ANXA2R: variants seen among roughly 807,000 people sequenced by gnomAD.
The protein encoded by ANXA2R is annexin-2 receptor.
For missense variants in ANXA2R, 244 were observed against 241.5 expected (o/e 1.01, Z -0.07); for synonymous variants, 93 against 93.6 (o/e 0.99, Z 0.04).
rs1742169000 is a variant in ANXA2R at position 43,040,235 on chromosome 5, G to C, written c.-189C>G. ...ACGATAACATTTTAGAGAGTACATA[G>C]AACCAAAACGAACCGTAATTCCGAC... On this transcript the variant is annotated 5_prime_UTR_variant, in exon 1 of 1. Coordinates refer to ENST00000616064, the MANE Select transcript of ANXA2R (RefSeq NM_001014279.3). The C allele has an allele frequency of 1.9e-6, 1 of 520,526 alleles. No homozygotes were observed. The highest frequency in any genetic ancestry group is 3.1e-5 in the East Asian group (1 of 32,258). The allele number at this position is 520,526 out of a possible 1,614,324, so 32.2% of individuals were successfully genotyped here.
chr5:43,042,889 C>A (rs1384148965), upstream of ANXA2R: 1 of 152,394 alleles, frequency 6.6e-6, no homozygotes, highest in African/African-American at 2.4e-5. The surrounding 1 kb of genome is among the most constrained non-coding windows in gnomAD (Gnocchi z 5.6). Flanking sequence ...AAACCGCCAG[C>A]TGGGCTAGAC....
Position 43,039,493 on chromosome 5 carries a change from G to T in ANXA2R, c.554C>A (p.Ser185Ter). Residue 185 changes from serine (S) to a stop codon, truncating the protein, a stop_gained, in exon 2 of 2, where the codon TCA becomes TAA. Transcript: ENST00000314890. LOFTEE classifies it low-confidence loss of function (END_TRUNC). ...AGGCTGCTTAGCTCCACAGATCCGT[G>T]AACAGCACGCCCAGAGTACAGAGAA... 1.3e-6 allele frequency: 2 copies of T among 1,590,432 alleles called. No homozygotes were observed. The highest frequency in any genetic ancestry group is 1.7e-6 in the Non-Finnish European group (2 of 1,168,088).
rs1742168740 is a variant in ANXA2R at position 43,040,222 on chromosome 5, TAG to T, written c.-178_-177del. On this transcript the variant is annotated 5_prime_UTR_variant, in exon 1 of 1. The change creates a premature stop within an existing upstream ORF in the 5' untranslated region. Transcript: ENST00000616064. ...AGACAAATGAAAAACGATAACATTT[TAG>T]AGAGTACATAGAACCAAAACGAACC... is the stretch of plus-strand genomic sequence containing the variant. The T allele has an allele frequency of 1.7e-6, 1 of 604,352 alleles. No individual in the cohort carries two copies. Among genetic ancestry groups the T allele is most frequent in the South Asian group, 2.4e-5 (1 of 41,048 alleles). 37.4% of individuals were successfully genotyped at this position (604,352 alleles called of 1,614,324 possible).
Position 43,039,937 on chromosome 5 carries a change from G to C in ANXA2R, c.110C>G (p.Pro37Arg). The change falls in exon 1 of 1, where the codon CCT (proline) becomes CGT (arginine). Residue 37 changes from proline (P) to arginine (R), a missense_variant. Coordinates refer to ENST00000616064, the MANE Select transcript of ANXA2R (RefSeq NM_001014279.3). Reference protein sequence around the residue: ...IVSSEDRGPWPLPLYPVLGEY... With the variant: ...IVSSEDRGPWRLPLYPVLGEY... ...TCCTAGTACTGGATACAAAGGAAGA[G>C]GCCACGGCCCACGATCTTCTGAACT... 2 of 1,614,198 alleles carry C rather than the reference G, an allele frequency of 1.2e-6. No individual in the cohort carries two copies. Among genetic ancestry groups the C allele is most frequent in the East Asian group, 2.2e-5 (1 of 44,890 alleles).
upstream of ANXA2R, chr5:43,042,529 C>T (rs1742218220): frequency 6.5e-6 from 1 of 152,736 alleles, no homozygotes; most frequent in South Asian, 2.1e-4. The surrounding 1 kb of genome is among the most constrained non-coding windows in gnomAD (Gnocchi z 5.6). Flanking sequence ...CCGCCGGCTT[C>T]GCGCCGCTGG....
upstream of ANXA2R, chr5:43,040,694 G>C (rs1357849524): frequency 6.6e-6 from 1 of 152,276 alleles, no homozygotes; most frequent in Admixed American, 6.5e-5. Flanking sequence ...CAATGTGTTT[G>C]ATAGGTTTAA....
rs1742143976 is a variant in ANXA2R, at chr5:43,039,383, G to T, written c.*82C>A. 1 of 1,177,172 alleles carries T rather than the reference G, an allele frequency of 8.5e-7. No individual in the cohort carries two copies. The highest frequency in any genetic ancestry group is 1.2e-6 in the Non-Finnish European group (1 of 857,066). 72.9% of individuals were successfully genotyped at this position (1,177,172 alleles called of 1,614,324 possible). The stretch of plus-strand genomic sequence containing the variant: ...ACCAGCAATGAAAGCACATCTTAAT[G>T]TATTTTTATTTTCTAGGTGGAGACG... On this transcript the variant is annotated 3_prime_UTR_variant, in exon 1 of 1. Coordinates refer to ENST00000616064, the MANE Select transcript of ANXA2R (RefSeq NM_001014279.3).
upstream of ANXA2R, chr5:43,041,058 C>T (rs1426584854): frequency 6.6e-6 from 1 of 152,010 alleles, no homozygotes; most frequent in Non-Finnish European, 1.5e-5. Context: ...CTCGGCTCCC[C>T]GGCTCCTGAG....
In ANXA2R at chr5:43,039,558, T is replaced by C. The variant is rs777711410; in HGVS notation, c.489A>G (p.Ser163=). The change falls in exon 1 of 1, where the codon TCA becomes TCG. Residue 163 remains serine, a synonymous_variant. Coordinates refer to ENST00000616064, the MANE Select transcript of ANXA2R (RefSeq NM_001014279.3). Reference sequence around the variant, plus strand: ...CGCGAAGAATCCACTCCAGGCAGTCTGAGAAACCCGGGAGGTGGCGCCACG... The same window carrying C: ...CGCGAAGAATCCACTCCAGGCAGTCCGAGAAACCCGGGAGGTGGCGCCACG... ...LQPWRHLPGF[S]DCLEWILRVG... The C allele has an allele frequency of 1.9e-6, 3 of 1,613,758 alleles. No individual in the cohort carries two copies. Among genetic ancestry groups the C allele is most frequent in the South Asian group, 1.1e-5 (1 of 91,044 alleles).
At chr5:43,041,072 A>AT (rs904160516), upstream of ANXA2R, 1 of 152,198 alleles carries the variant, frequency 6.6e-6, no homozygotes, top group African/African-American at 2.4e-5. Context: ...TCCTGAGAGA[A>AT]TGAAAGTCAA....
At position 43,040,126 on chromosome 5, in the gene ANXA2R, C is replaced by A; in HGVS notation, c.-80G>T. ...TACCATCAGCCTGAGTATTTATGCT[C>A]TGCAGAGCCCGTGGGCGGAGGCCAG... On this transcript the variant is annotated 5_prime_UTR_variant, in exon 1 of 1. The change creates a premature stop within an existing upstream ORF in the 5' untranslated region. Coordinates refer to ENST00000616064, the MANE Select transcript of ANXA2R (RefSeq NM_001014279.3). 1 of 1,376,410 alleles carries A rather than the reference C, an allele frequency of 7.3e-7. No homozygotes were observed. The highest frequency in any genetic ancestry group is 1.4e-5 in the South Asian group (1 of 69,708). The allele number at this position is 1,376,410 out of a possible 1,614,324, so 85.3% of individuals were successfully genotyped here. A position where few individuals can be genotyped will look rare whatever the true frequency, so the allele number is the denominator to read the frequency against.
chr5:43,040,810 G>C (rs759942042), upstream of ANXA2R: 1 of 152,142 alleles, frequency 6.6e-6, no homozygotes, highest in Non-Finnish European at 1.5e-5. Context: ...CGTTCTGCAC[G>C]GCAAAACGGG....
At chr5:43,040,774 T>C (rs1383374521), upstream of ANXA2R, 1 of 152,212 alleles carries the variant, frequency 6.6e-6, no homozygotes. Context: ...CAATTACTAG[T>C]GCGAACAGCG....
chr5:43,042,065 G>C (rs1742204218), upstream of ANXA2R: 1 of 152,304 alleles, frequency 6.6e-6, no homozygotes, highest in South Asian at 2.1e-4. This position sits in a 1 kb window ranked among gnomAD's most constrained non-coding sequence, Gnocchi z 5.6. Context: ...GTGGGGTCCT[G>C]CGACAGAGAC....
chr5:43,040,215 A>T lies in ANXA2R; in HGVS notation c.-169T>A. 1 of 613,392 alleles carries T rather than the reference A, an allele frequency of 1.6e-6. No homozygotes were observed. The highest frequency in any genetic ancestry group is 2.8e-6 in the Non-Finnish European group (1 of 351,792). 38.0% of individuals were successfully genotyped at this position (613,392 alleles called of 1,614,324 possible). A position where few individuals can be genotyped will look rare whatever the true frequency, so the allele number is the denominator to read the frequency against. On this transcript the variant is annotated 5_prime_UTR_variant, in exon 1 of 1. It introduces an in-frame stop codon into an upstream open reading frame of the 5' UTR. Coordinates refer to ENST00000616064, the MANE Select transcript of ANXA2R (RefSeq NM_001014279.3). ...AATTAGTAGACAAATGAAAAACGAT[A>T]ACATTTTAGAGAGTACATAGAACCA...
chr5:43,041,582 A>G (rs528017023), upstream of ANXA2R: 9 of 151,926 alleles, frequency 5.9e-5, no homozygotes, highest in Admixed American at 1.3e-4. Context: ...AGGACTCGAT[A>G]TTGCGAAACC....
chr5:43,040,355 G>T (rs936244962), upstream of ANXA2R: 2 of 271,612 alleles, frequency 7.4e-6, no homozygotes. Context: ...TCAAGAGCGC[G>T]CAAGGGCCAA....
Position 43,039,900 on chromosome 5 carries a change from C to T in ANXA2R, c.147G>A (p.Leu49=). Residue 49 remains leucine, a synonymous_variant, in exon 1 of 1, where the codon CTG becomes CTA. Coordinates refer to ENST00000616064, the MANE Select transcript of ANXA2R (RefSeq NM_001014279.3). ...PLYPVLGEYS[L]DSCDLGLLSS... ...AAAGCAGTCCCAAATCACAGCTGTC[C>T]AGTGAGTACTCTCCTAGTACTGGAT... is the stretch of plus-strand genomic sequence containing the variant. The T allele has an allele frequency of 6.2e-7, 1 of 1,614,246 alleles. No individual in the cohort carries two copies. The highest frequency in any genetic ancestry group is 8.5e-7 in the Non-Finnish European group (1 of 1,180,036).
Position 43,039,576 on chromosome 5 carries a change from G to A in ANXA2R, c.471C>T (p.Arg157=), listed in dbSNP as rs181352308. 5 of 1,614,016 alleles carry A rather than the reference G, an allele frequency of 3.1e-6. No individual in the cohort carries two copies. In the Admixed American group the frequency reaches 8.3e-5, roughly 27 times the overall value. The change falls in exon 1 of 1, where the codon CGC becomes CGT. Residue 157 remains arginine, a synonymous_variant. Coordinates refer to ENST00000616064, the MANE Select transcript of ANXA2R (RefSeq NM_001014279.3). The stretch of plus-strand genomic sequence containing the variant: ...GGCAGTCTGAGAAACCCGGGAGGTG[G>A]CGCCACGGCTGGAGGGCAGGAGGAT... ...RRHPPALQPW[R]HLPGFSDCLE...
Sources: gnomAD v4.1 joint callset for allele counts on GRCh38, gnomAD v4.1.1 for gene constraint, Gnocchi (gnomAD v3.1) non-coding constraint, MANE v1.5 for transcripts, NCBI Gene and HGNC (gene_info 2026-07-23, HGNC 2026-07-21) for gene names.